Variants in DNAH17 observed in about 807,000 individuals in gnomAD.
The protein encoded by DNAH17 is dynein axonemal heavy chain 17.
Under a neutral mutation model 485.6 loss-of-function variants are expected in DNAH17, and 376 were observed. The ratio of observed to expected loss-of-function variants is 0.77; its 90% confidence interval spans 0.71 to 0.84. DNAH17 has a LOEUF of 0.84. DNAH17 is among the 40% of genes least tolerant of loss of function. The probability of loss-of-function intolerance (pLI) is 0.00; values close to 1 mark genes in which losing one functional copy is unlikely to be tolerated. For synonymous variants in DNAH17, 3,031 were observed against 2,405.9 expected (o/e 1.26, Z -7.60); for missense variants, 6,370 against 5,839.3 (o/e 1.09, Z -2.96).
At position 78,561,701 on chromosome 17, in the gene DNAH17, G is replaced by GGGCT; in HGVS notation, c.1835+10_1835+13dup. ...GAGGCGGGGTGCCTGCCCCTGCCCA[G>GGGCT]GGCTGTGACTCACGGGTGTTCGACG... is the stretch of plus-strand genomic sequence containing the variant. On this transcript the variant is annotated intron_variant, in intron 12 of 80. Transcript: ENST00000389840. 1 of 1,594,150 alleles carries GGGCT rather than the reference G, an allele frequency of 6.3e-7. No individual in the cohort carries two copies. The highest frequency in any genetic ancestry group is 1.1e-5 in the South Asian group (1 of 87,548).
chr17:78,433,411 C>G (rs2086749292), intron 75 of DNAH17, among the ~76,000 whole-genome samples: 1 of 152,222 alleles, frequency 6.6e-6, no homozygotes, highest in South Asian at 2.1e-4. Context: ...CTCTGCTGTG[C>G]ACCTTGCTCT....
chr17:78,432,115 G>A (rs944906187), intron 75 of DNAH17, among the ~76,000 whole-genome samples: 4 of 151,900 alleles, frequency 2.6e-5, no homozygotes, highest in Non-Finnish European at 5.9e-5. Flanking sequence ...GGAGGTTAAG[G>A]CTGCAGTGAG....
At chr17:78,431,457 C>CCG (rs1555650016) in intron 75 of DNAH17, among the ~76,000 whole-genome samples, 2 of 148,198 alleles carry the variant, frequency 1.3e-5, no homozygotes, top group African/African-American at 5.2e-5. Flanking sequence ...AACCCCCCAC[C>CCG]CCGAGACTCC....
intron 25 of DNAH17, among the ~76,000 whole-genome samples, chr17:78,517,008 G>A (rs1308329103): frequency 6.6e-6 from 1 of 152,186 alleles, no homozygotes. Context: ...AGTCATAATA[G>A]CTTCCTTTTG....
chr17:78,479,048 T>C lies in DNAH17; in HGVS notation c.7969A>G (p.Arg2657Gly). Reference sequence around the variant, plus strand: ...ACCTGGAAAATATTGGAGAGGTCCCTGAGGTTGAAGACATAATGAAACTTA... The same window carrying C: ...ACCTGGAAAATATTGGAGAGGTCCCCGAGGTTGAAGACATAATGAAACTTA... ...AIKFHYVFNL[R>G]DLSNIFQGLL... The change falls in exon 51 of 81, where the codon AGG becomes GGG. Residue 2657 changes from arginine to glycine, a missense_variant. Physicochemically the swap from Arg to Gly is moderately radical, Grantham distance 125 (BLOSUM62 -2). Coordinates refer to ENST00000389840, the MANE Select transcript of DNAH17 (RefSeq NM_173628.4). 1 of 1,613,978 alleles carries C rather than the reference T, an allele frequency of 6.2e-7. No homozygotes were observed. Among genetic ancestry groups the C allele is most frequent in the Non-Finnish European group, 8.5e-7 (1 of 1,179,874 alleles).
chr17:78,529,561 C>T lies in DNAH17; in HGVS notation c.3418G>A (p.Asp1140Asn), dbSNP rs1404678334. ...MKVKERQAAT[D>N]NMFEPLKQTI... ...TGCTTCAGGGGCTCAAACATGTTGT[C>T]GGTGGCTGCTTGCCTCTCCTTGACT... Residue 1140 changes from aspartate to asparagine, a missense_variant, in exon 22 of 81, where the codon GAC (aspartate) becomes AAC (asparagine). Physicochemically the swap from Asp to Asn is conservative, Grantham distance 23. Coordinates refer to ENST00000389840, the MANE Select transcript of DNAH17 (RefSeq NM_173628.4). The T allele has an allele frequency of 1.6e-5, 26 of 1,613,856 alleles. No homozygotes were observed. The highest frequency in any genetic ancestry group is 5.0e-5 in the Admixed American group (3 of 60,000).
intron 52 of DNAH17, among the ~76,000 whole-genome samples, chr17:78,476,154 G>A (rs1374286817): frequency 6.6e-6 from 1 of 152,162 alleles, no homozygotes. Context: ...GTGGACAGAG[G>A]GAGGTGATCA....
rs984883980 is a variant in DNAH17, at chr17:78,524,846, C to G, written c.3864+163G>C. Among the ~76,000 whole-genome samples the G allele has an allele frequency of 2.0e-5, 3 of 152,168 alleles. No homozygotes were observed. In the South Asian group the frequency reaches 6.2e-4, roughly 31 times the overall value. ...CATATCCTGCTTTAGCGGAGGGACCCCACCTCGCGATCTCAGGGCCCTTCG... is the reference window on the plus strand; with the variant it reads ...CATATCCTGCTTTAGCGGAGGGACCGCACCTCGCGATCTCAGGGCCCTTCG... On this transcript the variant is annotated intron_variant, in intron 25 of 80. Coordinates refer to ENST00000389840, the MANE Select transcript of DNAH17 (RefSeq NM_173628.4).
chr17:78,481,739 G>C (rs2089358674), intron 48 of DNAH17, among the ~76,000 whole-genome samples: 1 of 152,186 alleles, frequency 6.6e-6, no homozygotes, highest in Admixed American at 6.5e-5. Flanking sequence ...AATAGGCCAG[G>C]CACAGTGGCT....
At chr17:78,549,183 G>T (rs906428387) in intron 16 of DNAH17, among the ~76,000 whole-genome samples, 3 of 152,206 alleles carry the variant, frequency 2.0e-5, no homozygotes, top group African/African-American at 7.2e-5. Flanking sequence ...AGGGACCTTG[G>T]CAAGTGCTTG....
At chr17:78,449,816 G>A in intron 68 of DNAH17, 1 of 522,990 alleles carries the variant, frequency 1.9e-6, no homozygotes, top group South Asian at 2.5e-5. Context: ...AGCCTCCCAA[G>A]GCGCACACCA....
At chr17:78,476,392 TCGCGTGGAACCCTCGGATCCACA>T (rs2089026043) in intron 52 of DNAH17, among the ~76,000 whole-genome samples, 157 bp downstream of exon 52, 2 of 151,738 alleles carry the variant, frequency 1.3e-5, no homozygotes, top group African/African-American at 2.4e-5. Flanking sequence ...GCCGGAGTTA[TCGCGTGGAACCCTCGGATCCACA>T]GCCACTTGCT....
In DNAH17 at chr17:78,433,943, G is replaced by A. The variant is rs562619550; in HGVS notation, c.12225+86C>T. 2.5e-4 allele frequency: 239 copies of A among 954,532 alleles called. 1 individual carries two copies. In the African/African-American group the frequency reaches 3.6e-3, roughly 15 times the overall value. 59.1% of individuals were successfully genotyped at this position (954,532 alleles called of 1,614,324 possible). The stretch of plus-strand genomic sequence containing the variant: ...AGGGAAGGAAGGAGGGAGGGAAGGA[G>A]GGAGGGAAGGAGGGAGGGAAGGAGG... On this transcript the variant is annotated intron_variant, in intron 75 of 80. Coordinates refer to ENST00000389840, the MANE Select transcript of DNAH17 (RefSeq NM_173628.4).
intron 14 of DNAH17, among the ~76,000 whole-genome samples, chr17:78,557,336 G>A (rs2092046109): frequency 1.3e-5 from 2 of 152,144 alleles, no homozygotes; most frequent in South Asian, 4.2e-4. Context: ...TCATGTAATT[G>A]GCCAGGCTTG....
Position 78,514,963 on chromosome 17 carries a change from C to T in DNAH17, c.3924G>A (p.Gln1308=). The part of the protein sequence containing the change: ...TTKWKDINVE[Q]MDIDCKKFAK... ...CAAACTTCTTACAATCTATGTCCAT[C>T]TGCTCAACGTTGATATCTTTCCACT... The change falls in exon 26 of 81, where the codon CAG becomes CAA. Residue 1308 remains glutamine, a synonymous_variant. Coordinates refer to ENST00000389840, the MANE Select transcript of DNAH17 (RefSeq NM_173628.4). 2 of 1,614,060 alleles carry T rather than the reference C, an allele frequency of 1.2e-6. No individual in the cohort carries two copies. The highest frequency in any genetic ancestry group is 1.7e-6 in the Non-Finnish European group (2 of 1,179,902).
Position 78,462,995 on chromosome 17 carries a change from G to A in DNAH17, c.9023C>T (p.Thr3008Ile), listed in dbSNP as rs374042025. Residue 3008 changes from threonine (T) to isoleucine (I), a missense_variant, in exon 57 of 81, where the codon ACT becomes ATT. Transcript: ENST00000389840. The stretch of plus-strand genomic sequence containing the variant: ...TGTGGTGTAGTTGTAGCGCCTCTCA[G>A]TAGCCAGGTATACCCTGGACATCTC... Reference protein sequence around the residue: ...VNEMSRVYLATERRYNYTTPK... With the variant: ...VNEMSRVYLAIERRYNYTTPK... 1.9e-5 allele frequency: 30 copies of A among 1,614,008 alleles called. No individual in the cohort carries two copies. In the East Asian group the frequency reaches 2.5e-4, roughly 13 times the overall value.
At chr17:78,510,742 G>A (rs1035269371) in intron 26 of DNAH17, 29 of 392,222 alleles carry the variant, frequency 7.4e-5, no homozygotes, top group South Asian at 2.9e-4. Flanking sequence ...TGCACTGGGC[G>A]GAATTGCGGC....
Position 78,502,823 on chromosome 17 carries a change from C to T in DNAH17, c.5082+63G>A, listed in dbSNP as rs547086162. On this transcript the variant is annotated intron_variant, in intron 32 of 80. Coordinates refer to ENST00000389840, the MANE Select transcript of DNAH17 (RefSeq NM_173628.4). Reference sequence around the variant, plus strand: ...CACAGTTAACAGCGGAGCCCATGAACGCAAAGAAACTCGCCCCTTATCTCA... The same window carrying T: ...CACAGTTAACAGCGGAGCCCATGAATGCAAAGAAACTCGCCCCTTATCTCA... The T allele has an allele frequency of 1.9e-5, 30 of 1,593,584 alleles. No individual in the cohort carries two copies. The East Asian group carries it at 2.7e-4, about 14-fold the overall frequency.
At chr17:78,515,147 A>C in intron 25 of DNAH17, 125 bp from the exon 26 acceptor site, 1 of 1,096,098 alleles carries the variant, frequency 9.1e-7, no homozygotes, top group Non-Finnish European at 1.3e-6. Flanking sequence ...TAGAACTAAT[A>C]CCCGAGATCA....
Sources: gnomAD v4.1 joint callset for allele counts (sites outside exome capture counted in the v4.1 genomes callset) on GRCh38, gnomAD v4.1.1 for gene constraint, MANE v1.5 for transcripts, NCBI Gene and HGNC (gene_info 2026-07-23, HGNC 2026-07-21) for gene names.